Variants in ZMAT3 observed in about 807,000 individuals in gnomAD.
ZMAT3 encodes zinc finger matrin-type protein 3.
In ZMAT3, 17 loss-of-function variants were observed where a neutral mutation model predicts 32.3. The observed-to-expected ratio is 0.53, with a 90% confidence interval of 0.36 to 0.79. ZMAT3 has a LOEUF of 0.79. Ranked by LOEUF, ZMAT3 falls within the 30% of genes least tolerant of loss-of-function variation. ZMAT3 has a pLI of 0.00. For synonymous variants in ZMAT3, 120 were observed against 133.1 expected (o/e 0.90, Z 0.68); for missense variants, 329 against 359.7 (o/e 0.91, Z 0.69).
Position 179,029,523 on chromosome 3 carries a change from G to T in ZMAT3, c.390+1357C>A, listed in dbSNP as rs376788232. Among the ~76,000 whole-genome samples, 127 of 152,058 alleles carry T rather than the reference G, an allele frequency of 8.4e-4. 2 individuals carry two copies. In the South Asian group the frequency reaches 0.025, roughly 30 times the overall value. On this transcript the variant is annotated intron_variant, in intron 3 of 5. Transcript: ENST00000311417. ...CTGTCACCCAGACTGGAATGCAGTG[G>T]CACAATCTTGGCTCACTGCAACCTC...
chr3:179,032,013 T>A (rs187775062), intron 2 of ZMAT3, among the ~76,000 whole-genome samples: 30 of 7,470 alleles, frequency 4.0e-3, no homozygotes, highest in South Asian at 0.015. Context: ...CTCCCCCTCC[T>A]CCTCCCCCTC....
intron 2 of ZMAT3, among the ~76,000 whole-genome samples, chr3:179,031,466 G>C (rs73048060): frequency 6.6e-6 from 1 of 151,988 alleles, no homozygotes; most frequent in Non-Finnish European, 1.5e-5. Flanking sequence ...CAACCCTGGG[G>C]GTAAACAGAC....
At chr3:179,029,758 T>C in intron 3 of ZMAT3, among the ~76,000 whole-genome samples, 1 of 152,220 alleles carries the variant, frequency 6.6e-6, no homozygotes, top group East Asian at 1.9e-4. Context: ...CAGTAATACT[T>C]ATTTTAAGTT....
intron 1 of ZMAT3, among the ~76,000 whole-genome samples, chr3:179,070,936 G>A (rs1455516471): frequency 6.6e-6 from 1 of 152,184 alleles, no homozygotes; most frequent in Admixed American, 6.5e-5. Flanking sequence ...ACAGAGGAAA[G>A]AGAATAGAAT....
At chr3:179,063,839 G>A (rs1721269515) in intron 2 of ZMAT3, among the ~76,000 whole-genome samples, 1 of 152,128 alleles carries the variant, frequency 6.6e-6, no homozygotes, top group Admixed American at 6.5e-5. Flanking sequence ...AATATTTGAT[G>A]GCTTCATTAA....
At chr3:179,041,987 G>A (rs1215932938) in intron 2 of ZMAT3, among the ~76,000 whole-genome samples, 4 of 152,178 alleles carry the variant, frequency 2.6e-5, no homozygotes, top group Non-Finnish European at 5.9e-5. Context: ...AAATCTAGAA[G>A]AAATGGATAA....
intron 2 of ZMAT3, among the ~76,000 whole-genome samples, chr3:179,034,868 C>T (rs1719494687): frequency 6.6e-6 from 1 of 152,192 alleles, no homozygotes; most frequent in African/African-American, 2.4e-5. Flanking sequence ...ATTCAAAATA[C>T]ATCCCACATC....
chr3:179,062,001 A>G (rs940101391), intron 2 of ZMAT3, among the ~76,000 whole-genome samples: 5 of 152,064 alleles, frequency 3.3e-5, no homozygotes, highest in East Asian at 1.9e-4. Flanking sequence ...AATGGAGAGG[A>G]AAAAAAAGGT....
rs572188715 is a variant in ZMAT3 at position 179,045,719 on chromosome 3, G to A, written c.271-14720C>T. 7.1e-4 allele frequency among the ~76,000 whole-genome samples: 108 copies of A among 152,260 alleles called. 1 individual carries two copies. On this transcript the variant is annotated intron_variant, in intron 2 of 5. Coordinates refer to ENST00000311417, the MANE Select transcript of ZMAT3 (RefSeq NM_022470.4). ...GGGATACAATTGGGAAGAGATACAT[G>A]GGGACTTCAGCTGAATTAATAATTT...
intron 2 of ZMAT3, among the ~76,000 whole-genome samples, chr3:179,055,297 G>A (rs1171392565): frequency 6.6e-6 from 1 of 152,144 alleles, no homozygotes; most frequent in Non-Finnish European, 1.5e-5. Context: ...GCTTCCTGAG[G>A]GAAGTATAAA....
chr3:179,047,591 G>A (rs572717258), intron 2 of ZMAT3, among the ~76,000 whole-genome samples: 59 of 151,884 alleles, frequency 3.9e-4, no homozygotes, highest in East Asian at 3.1e-3. Context: ...GGTGGCTCAC[G>A]CCTGTAATCC....
At chr3:179,055,552 G>A (rs962881527) in intron 2 of ZMAT3, among the ~76,000 whole-genome samples, 1 of 151,364 alleles carries the variant, frequency 6.6e-6, no homozygotes, top group African/African-American at 2.4e-5. Flanking sequence ...AGACAAAGGG[G>A]TAAACAATGA....
chr3:179,053,076 G>A lies in ZMAT3; in HGVS notation c.270+14407C>T, dbSNP rs565914110. Among the ~76,000 whole-genome samples, 6 of 151,956 alleles carry A rather than the reference G, an allele frequency of 3.9e-5. No individual in the cohort carries two copies. In the South Asian group the frequency reaches 6.2e-4, roughly 16 times the overall value. The stretch of plus-strand genomic sequence containing the variant: ...CCAGGAGGCGGAGGTTGCAGTGAGC[G>A]GAGATTGTGCCACTGCATTCCAGCC... On this transcript the variant is annotated intron_variant, in intron 2 of 5. Coordinates refer to ENST00000311417, the MANE Select transcript of ZMAT3 (RefSeq NM_022470.4).
intron 1 of ZMAT3, among the ~76,000 whole-genome samples, chr3:179,071,000 T>C (rs1455598384): frequency 6.6e-6 from 1 of 152,010 alleles, no homozygotes; most frequent in Admixed American, 6.6e-5. Context: ...TAATTGGGAA[T>C]TCTGGAAATG....
intron 2 of ZMAT3, among the ~76,000 whole-genome samples, chr3:179,050,045 A>G (rs962796334): frequency 1.3e-5 from 2 of 150,842 alleles, no homozygotes; most frequent in Non-Finnish European, 3.0e-5. Context: ...ACAAATAGAC[A>G]ATGTAAGGTC....
intron 2 of ZMAT3, among the ~76,000 whole-genome samples, chr3:179,053,118 A>C (rs1720655311): frequency 6.6e-6 from 1 of 151,890 alleles, no homozygotes; most frequent in African/African-American, 2.4e-5. Flanking sequence ...ACAGAGCAAG[A>C]CTCTGTCTCA....
In ZMAT3 at chr3:179,019,756, T is replaced by C. The variant is rs992584291; in HGVS notation, c.*5261A>G. ...ATTTGTGAAGATGCTTCATTTAATA[T>C]AGAAATGAACTAACACAATTAATAA... On this transcript the variant is annotated 3_prime_UTR_variant, in exon 6 of 6. Coordinates refer to ENST00000311417, the MANE Select transcript of ZMAT3 (RefSeq NM_022470.4). The C allele has an allele frequency of 6.6e-5, 10 of 152,054 alleles. No homozygotes were observed. The highest frequency in any genetic ancestry group is 4.6e-4 in the Admixed American group (7 of 15,280). 9.4% of individuals were successfully genotyped at this position (152,054 alleles called of 1,614,324 possible). A position where few individuals can be genotyped will look rare whatever the true frequency, so the allele number is the denominator to read the frequency against.
rs532826495 is a variant in ZMAT3, at chr3:179,046,118, C to T, written c.271-15119G>A. ...CCCTTTGAAATATGGATTTTAGAGGCTTGTCTGTATGACAACAGGAAGAAG... is the reference window on the plus strand; with the variant it reads ...CCCTTTGAAATATGGATTTTAGAGGTTTGTCTGTATGACAACAGGAAGAAG... On this transcript the variant is annotated intron_variant, in intron 2 of 5. Coordinates refer to ENST00000311417, the MANE Select transcript of ZMAT3 (RefSeq NM_022470.4). The surrounding 1 kb of genome is among the most constrained non-coding windows in gnomAD (Gnocchi z 4.3). Among the ~76,000 whole-genome samples, 1 of 152,170 alleles carries T rather than the reference C, an allele frequency of 6.6e-6. No individual in the cohort carries two copies. Among genetic ancestry groups the T allele is most frequent in the South Asian group, 2.1e-4 (1 of 4,822 alleles).
At chr3:179,032,369 C>A (rs898958109) in intron 2 of ZMAT3, among the ~76,000 whole-genome samples, 2 of 152,108 alleles carry the variant, frequency 1.3e-5, no homozygotes, top group Non-Finnish European at 2.9e-5. Context: ...CACCTCCCAG[C>A]CGCCTGCCTT....
Sources: allele counts gnomAD v4.1 joint callset (sites outside exome capture counted in the v4.1 genomes callset), GRCh38; gene constraint gnomAD v4.1.1; non-coding constraint Gnocchi (gnomAD v3.1); transcripts MANE v1.5; gene names NCBI Gene and HGNC (gene_info 2026-07-23, HGNC 2026-07-21).